Variants in PLXNA4 observed in about 807,000 individuals in gnomAD.
PLXNA4 encodes plexin A4.
A neutral mutation model predicts 191.8 loss-of-function variants in PLXNA4; 44 were observed. The ratio of observed to expected loss-of-function variants is 0.23; its 90% confidence interval spans 0.18 to 0.29. PLXNA4 has a LOEUF of 0.29. Among genes scored for constraint, PLXNA4 ranks in the 10% least tolerant of loss-of-function variants. The pLI, the probability that PLXNA4 is intolerant of heterozygous loss-of-function variation, is 1.00. For synonymous variants in PLXNA4, 1,082 were observed against 1,009.5 expected, an observed-to-expected ratio of 1.07 and a Z score of -1.36; for missense variants, 1,800 against 2,488.8, an observed-to-expected ratio of 0.72 and a Z score of 5.89.
At chr7:132,560,580 G>A (rs759267972) in intron 1 of PLXNA4, among the ~76,000 whole-genome samples, 4 of 152,022 alleles carry the variant, frequency 2.6e-5, no homozygotes, top group Non-Finnish European at 4.4e-5. Flanking sequence ...TGAAGCTGCC[G>A]GGGACACAAG....
chr7:132,427,670 C>T (rs1163118342), intron 3 of PLXNA4, among the ~76,000 whole-genome samples: 1 of 152,300 alleles, frequency 6.6e-6, no homozygotes, highest in South Asian at 2.1e-4. Flanking sequence ...GCTTTGCACA[C>T]CAGCAAGTCA....
rs1399976053 is a variant in PLXNA4 at position 132,339,407 on chromosome 7, T to G, written c.1372-41185A>C. Reference sequence around the variant, plus strand: ...TGGAAATAAATCTTGCAACTTAAATTTAACACCAGTTCTCAGTCACATATT... The same window carrying G: ...TGGAAATAAATCTTGCAACTTAAATGTAACACCAGTTCTCAGTCACATATT... On this transcript the variant is annotated intron_variant, in intron 3 of 31. Coordinates refer to ENST00000321063, the MANE Select transcript of PLXNA4 (RefSeq NM_020911.2). Among the ~76,000 whole-genome samples, 3 of 152,198 alleles carry G rather than the reference T, an allele frequency of 2.0e-5. No individual in the cohort carries two copies. In the East Asian group the frequency reaches 5.8e-4, roughly 29 times the overall value.
chr7:132,439,995 A>AGTGTGT (rs3067108), intron 3 of PLXNA4, among the ~76,000 whole-genome samples: 2,355 of 150,164 alleles, frequency 0.016, 30 homozygotes, highest in South Asian at 0.025. Flanking sequence ...TGCATGTGTG[A>AGTGTGT]GTGTGTGTGT....
At chr7:132,604,540 G>T (rs905547945) in intron 2 of PLXNA4, among the ~76,000 whole-genome samples, 2 of 152,080 alleles carry the variant, frequency 1.3e-5, no homozygotes, top group Non-Finnish European at 2.9e-5. Context: ...TTAATAATCT[G>T]GTAAACAGTT....
At chr7:132,364,158 C>T (rs540345373) in intron 3 of PLXNA4, among the ~76,000 whole-genome samples, 18 of 152,210 alleles carry the variant, frequency 1.2e-4, no homozygotes, top group African/African-American at 2.9e-4. Flanking sequence ...GTGGGAAAGG[C>T]GGGGCTGGGT....
chr7:132,645,105 A>T (rs1199323321), intron 2 of PLXNA4, among the ~76,000 whole-genome samples: 1 of 152,226 alleles, frequency 6.6e-6, no homozygotes, highest in Non-Finnish European at 1.5e-5. Context: ...GCCACCTGTT[A>T]CTAACGATGC....
chr7:132,417,558 C>T (rs892333682), intron 3 of PLXNA4, among the ~76,000 whole-genome samples: 3 of 152,066 alleles, frequency 2.0e-5, no homozygotes, highest in African/African-American at 4.8e-5. Flanking sequence ...TCTTTTAAAT[C>T]TGAATTCCCA....
chr7:132,153,351 G>C (rs1795699856), intron 25 of PLXNA4, among the ~76,000 whole-genome samples: 1 of 152,168 alleles, frequency 6.6e-6, no homozygotes, highest in Non-Finnish European at 1.5e-5. Flanking sequence ...GAGCTGAGCT[G>C]AGGCCAGGGA....
intron 5 of PLXNA4, among the ~76,000 whole-genome samples, chr7:132,235,029 G>A (rs555914610): frequency 2.6e-5 from 4 of 152,246 alleles, no homozygotes; most frequent in African/African-American, 4.8e-5. Context: ...CAATCAGCTT[G>A]TGTGTCATTA....
At chr7:132,150,709 C>T (rs1339392925) in intron 25 of PLXNA4, among the ~76,000 whole-genome samples, 3 of 152,234 alleles carry the variant, frequency 2.0e-5, no homozygotes, top group Non-Finnish European at 2.9e-5. Flanking sequence ...AGCTTAGCAA[C>T]TGCAAGGGCA....
At chr7:132,450,995 C>T (rs182284740) in intron 3 of PLXNA4, among the ~76,000 whole-genome samples, 1 of 152,316 alleles carries the variant, frequency 6.6e-6, no homozygotes, top group East Asian at 1.9e-4. Flanking sequence ...TCCAGGTCAC[C>T]CTCTCTTCTG....
Position 132,223,518 on chromosome 7 carries a change from G to A in PLXNA4, c.2097+9C>T, listed in dbSNP as rs1337534567. On this transcript the variant is annotated intron_variant, in intron 9 of 31. Transcript: ENST00000321063. ...GAGACACTCACCACTCTGGCTGCCA[G>A]GGACCTACCTCGGGCAGCTTCACTC... is the stretch of plus-strand genomic sequence containing the variant. 1 of 1,608,758 alleles carries A rather than the reference G, an allele frequency of 6.2e-7. No individual in the cohort carries two copies. The highest frequency in any genetic ancestry group is 8.5e-7 in the Non-Finnish European group (1 of 1,177,076).
intron 3 of PLXNA4, among the ~76,000 whole-genome samples, chr7:132,488,184 C>A (rs1233781450): frequency 6.6e-6 from 1 of 152,172 alleles, no homozygotes; most frequent in Admixed American, 6.5e-5. Context: ...CTCTGGGGTG[C>A]CCGCCTCTTG....
chr7:132,176,058 GTC>G (rs1796445934), intron 20 of PLXNA4, among the ~76,000 whole-genome samples: 1 of 152,186 alleles, frequency 6.6e-6, no homozygotes, highest in Admixed American at 6.5e-5. Flanking sequence ...CCTAGGAACT[GTC>G]TGCAGGGACC....
chr7:132,224,690 G>A (rs1798255159), intron 8 of PLXNA4, among the ~76,000 whole-genome samples: 1 of 152,204 alleles, frequency 6.6e-6, no homozygotes, highest in Admixed American at 6.5e-5. Flanking sequence ...GGAGGGATTA[G>A]GCCACCGAGT....
chr7:132,506,550 G>A (rs561701095), intron 2 of PLXNA4, among the ~76,000 whole-genome samples: 53 of 152,306 alleles, frequency 3.5e-4, no homozygotes, highest in Non-Finnish European at 3.8e-4. Flanking sequence ...TGATAGCTGA[G>A]CCTTCCAAGT....
chr7:132,312,646 G>A (rs74562141), intron 3 of PLXNA4, among the ~76,000 whole-genome samples: 2 of 152,086 alleles, frequency 1.3e-5, no homozygotes, highest in African/African-American at 4.8e-5. Context: ...TGAAAGCATG[G>A]GTTCCAGAGG....
chr7:132,167,508 GC>G (rs1796156537), intron 22 of PLXNA4, among the ~76,000 whole-genome samples: 1 of 152,014 alleles, frequency 6.6e-6, no homozygotes, highest in African/African-American at 2.4e-5. Context: ...GTCTGGGAGG[GC>G]CTGAAATTCT....
At chr7:132,342,871 C>T (rs1410407709) in intron 3 of PLXNA4, among the ~76,000 whole-genome samples, 5 of 146,044 alleles carry the variant, frequency 3.4e-5, no homozygotes, top group African/African-American at 7.7e-5. Flanking sequence ...CGTTTGAATC[C>T]GGGAGGTGGA....
Sources: allele counts gnomAD v4.1 joint callset (sites outside exome capture counted in the v4.1 genomes callset), GRCh38; gene constraint gnomAD v4.1.1; transcripts MANE v1.5; gene names NCBI Gene and HGNC (gene_info 2026-07-23, HGNC 2026-07-21).